Variants in LRRC37A2 observed in about 807,000 individuals in gnomAD.
The protein encoded by LRRC37A2 is leucine rich repeat containing 37 member A2, also known as leucine-rich repeat-containing protein 37A2.
A neutral mutation model predicts 68.8 loss-of-function variants in LRRC37A2; 9 were observed. The observed-to-expected ratio is 0.13, with a 90% CI of 0.08 to 0.23. LRRC37A2 has a LOEUF of 0.23. LRRC37A2 is among the 10% of genes least tolerant of loss of function. LRRC37A2 has a pLI of 1.00. For missense variants in LRRC37A2, 168 were observed against 950.4 expected, an observed-to-expected ratio of 0.18 and a Z score of 10.82; for synonymous variants, 63 against 367.6, an observed-to-expected ratio of 0.17 and a Z score of 9.48.
At chr17:46,928,122 G>A in the LRRC37A2 span, among the ~76,000 whole-genome samples, 1 of 152,172 alleles carries the variant, frequency 6.6e-6, no homozygotes, top group South Asian at 2.1e-4. Context: ...CTTTCCGGAA[G>A]CAACGGCCTG....
At chr17:46,798,148 C>G in the LRRC37A2 span, among the ~76,000 whole-genome samples, 1 of 152,138 alleles carries the variant, frequency 6.6e-6, no homozygotes, top group Non-Finnish European at 1.5e-5. Context: ...AGGCTGGTCT[C>G]GAACCCCTGA....
the LRRC37A2 span, among the ~76,000 whole-genome samples, chr17:46,827,903 A>G: frequency 0.018 from 2,763 of 149,510 alleles, 30 homozygotes; most frequent in African/African-American, 0.03. Flanking sequence ...TCCGCGCCCC[A>G]GGTTCACACC....
the LRRC37A2 span, chr17:46,939,688 GC>G: frequency 4.1e-6 from 4 of 985,504 alleles, no homozygotes; most frequent in Non-Finnish European, 4.8e-6. Context: ...CCCTCATTTT[GC>G]CCAGCCAGTG....
the LRRC37A2 span, among the ~76,000 whole-genome samples, chr17:47,029,393 C>T: frequency 7.2e-5 from 11 of 152,250 alleles, no homozygotes; most frequent in African/African-American, 2.6e-4. Context: ...GTATAACATA[C>T]CCATCAAATC....
chr17:46,946,479 A>AG, the LRRC37A2 span, among the ~76,000 whole-genome samples: 1 of 142,368 alleles, frequency 7.0e-6, no homozygotes, highest in Non-Finnish European at 1.5e-5. Flanking sequence ...AAAAAAAAAA[A>AG]GTAGGTGGCC....
the LRRC37A2 span, chr17:46,704,778 T>TG: frequency 6.2e-7 from 1 of 1,604,958 alleles, no homozygotes; most frequent in Non-Finnish European, 8.5e-7. Flanking sequence ...AAAGTGGAAG[T>TG]GGACATGGAG....
At chr17:46,877,598 G>C in the LRRC37A2 span, among the ~76,000 whole-genome samples, 3 of 152,166 alleles carry the variant, frequency 2.0e-5, no homozygotes, top group Non-Finnish European at 4.4e-5. Flanking sequence ...CCAGCGCAGA[G>C]GAGGAGGGCA....
At chr17:46,828,984 T>G in the LRRC37A2 span, among the ~76,000 whole-genome samples, 1 of 152,058 alleles carries the variant, frequency 6.6e-6, no homozygotes, top group African/African-American at 2.4e-5. Context: ...ACAGAAAGAA[T>G]GTAGTTCTGC....
At chr17:46,923,254 G>A in the LRRC37A2 span, 4 of 1,550,882 alleles carry the variant, frequency 2.6e-6, no homozygotes, top group South Asian at 2.4e-5. Context: ...GCAGGGGCTA[G>A]ACGAGGCGAG....
At chr17:46,887,845 T>C in the LRRC37A2 span, among the ~76,000 whole-genome samples, 6 of 152,110 alleles carry the variant, frequency 3.9e-5, no homozygotes, top group Non-Finnish European at 1.5e-5. Context: ...TGCCAAACAC[T>C]GTGCTGGGCC....
the LRRC37A2 span, among the ~76,000 whole-genome samples, chr17:46,863,842 C>T: frequency 1.3e-5 from 2 of 152,142 alleles, no homozygotes; most frequent in Non-Finnish European, 2.9e-5. Flanking sequence ...CCCAAGGGAG[C>T]CGCTCACAAC....
chr17:46,866,596 A>G, the LRRC37A2 span, among the ~76,000 whole-genome samples: 1 of 152,082 alleles, frequency 6.6e-6, no homozygotes, highest in Admixed American at 6.6e-5. Context: ...GCCTGTTATC[A>G]GGAGCATCTG....
chr17:46,828,701 T>C, the LRRC37A2 span, among the ~76,000 whole-genome samples: 1 of 151,710 alleles, frequency 6.6e-6, no homozygotes, highest in Non-Finnish European at 1.5e-5. Flanking sequence ...CTCATGCCTG[T>C]ATTTCCAGCA....
the LRRC37A2 span, among the ~76,000 whole-genome samples, chr17:46,793,272 T>TA: frequency 0.016 from 675 of 41,968 alleles, 73 homozygotes; most frequent in Middle Eastern, 0.056. Context: ...AGACCCTGTC[T>TA]AAAAAAAAAA....
the LRRC37A2 span, chr17:46,978,802 TGCGCCACCC>T: frequency 6.2e-7 from 1 of 1,611,214 alleles, no homozygotes; most frequent in Non-Finnish European, 8.5e-7. Flanking sequence ...CACGGCGATC[TGCGCCACCC>T]GCGACACCCA....
At chr17:46,931,388 T>C in the LRRC37A2 span, 4 of 622,840 alleles carry the variant, frequency 6.4e-6, no homozygotes, top group Admixed American at 1.2e-4. Flanking sequence ...TCAAAATAAA[T>C]AGCCTGTGAG....
the LRRC37A2 span, chr17:46,876,739 G>A: frequency 1.3e-6 from 2 of 1,520,388 alleles, no homozygotes; most frequent in Non-Finnish European, 1.8e-6. Context: ...CAGCAAGCCA[G>A]TCTGGCACTG....
chr17:46,800,107 CTATTTATT>C, the LRRC37A2 span, among the ~76,000 whole-genome samples: 2 of 151,914 alleles, frequency 1.3e-5, no homozygotes. Flanking sequence ...AACAGAATTC[CTATTTATT>C]TATTTATTTA....
chr17:46,976,084 G>A, the LRRC37A2 span, among the ~76,000 whole-genome samples: 4 of 151,790 alleles, frequency 2.6e-5, no homozygotes, highest in African/African-American at 9.7e-5. Flanking sequence ...TCATCACCAC[G>A]CCCGGCTAAT....
Sources: gnomAD v4.1 joint callset for allele counts (sites outside exome capture counted in the v4.1 genomes callset) on GRCh38, gnomAD v4.1.1 for gene constraint, MANE v1.5 for transcripts, NCBI Gene and HGNC (gene_info 2026-07-23, HGNC 2026-07-21) for gene names.